The following GFPT1 variants were observed in gnomAD, a reference collection of about 807,000 sequenced individuals.
GFPT1 encodes the protein glutamine--fructose-6-phosphate aminotransferase [isomerizing] 1.
Under a neutral mutation model 92.0 loss-of-function variants are expected in GFPT1, and 40 were observed. The ratio of observed to expected loss-of-function variants is 0.43; its 90% CI spans 0.34 to 0.57. The LOEUF is 0.57. Ranked by LOEUF, GFPT1 falls within the 20% of genes least tolerant of loss-of-function variation. The probability of loss-of-function intolerance (pLI) is 0.02; values close to 1 mark genes in which losing one functional copy is unlikely to be tolerated. For missense variants in GFPT1, 448 were observed against 869.1 expected (o/e 0.52, Z 6.09); for synonymous variants, 269 against 280.6 (o/e 0.96, Z 0.41).
chr2:69,350,150 C>A lies in GFPT1; in HGVS notation c.773G>T (p.Arg258Leu). 1 of 1,613,716 alleles carries A rather than the reference C, an allele frequency of 6.2e-7. No homozygotes were observed. Among genetic ancestry groups the A allele is most frequent in the South Asian group, 1.1e-5 (1 of 91,054 alleles). The change falls in exon 10 of 20, where the codon CGT becomes CTT. Residue 258 changes from arginine to leucine, a missense_variant. Transcript: ENST00000357308. Reference sequence around the variant, plus strand: ...GAAAAGGCAGGTTGTGCTGTCCACACGAGAGAGATTGCAGCTTCCTTTCTT... The same window carrying A: ...GAAAAGGCAGGTTGTGCTGTCCACAAGAGAGAGATTGCAGCTTCCTTTCTT... Reference protein sequence around the residue: ...KDKKGSCNLSRVDSTTCLFPV... With the variant: ...KDKKGSCNLSLVDSTTCLFPV...
intron 3 of GFPT1, among the ~76,000 whole-genome samples, chr2:69,364,673 G>A (rs1055003381): frequency 6.6e-6 from 1 of 152,198 alleles, no homozygotes; most frequent in Non-Finnish European, 1.5e-5. Context: ...CTGGGAAATC[G>A]GCATAGGCCA....
At chr2:69,342,893 A>G in intron 12 of GFPT1, among the ~76,000 whole-genome samples, 1 of 152,054 alleles carries the variant, frequency 6.6e-6, no homozygotes, top group South Asian at 2.1e-4. Context: ...TGCCGTCCCC[A>G]TTCCCCTAAT....
intron 9 of GFPT1, among the ~76,000 whole-genome samples, chr2:69,353,640 G>A (rs1037749304): frequency 6.6e-6 from 1 of 151,544 alleles, no homozygotes; most frequent in African/African-American, 2.4e-5. Context: ...ATTGCAGTGA[G>A]GTATGACCAT....
At chr2:69,340,748 ATGTT>A (rs1434558118) in intron 13 of GFPT1, among the ~76,000 whole-genome samples, 1 of 152,168 alleles carries the variant, frequency 6.6e-6, no homozygotes, top group Non-Finnish European at 1.5e-5. Flanking sequence ...GGGATTTCTA[ATGTT>A]TGTTTACTAC....
intron 6 of GFPT1, among the ~76,000 whole-genome samples, chr2:69,357,390 G>A (rs558318078): frequency 6.6e-6 from 1 of 152,282 alleles, no homozygotes; most frequent in African/African-American, 2.4e-5. Flanking sequence ...AGAGCTTACA[G>A]GAATCAAGAA....
chr2:69,349,402 A>G (rs972573905), intron 10 of GFPT1, among the ~76,000 whole-genome samples: 3 of 152,216 alleles, frequency 2.0e-5, no homozygotes, highest in African/African-American at 4.8e-5. Context: ...CTGTAAAAAC[A>G]TTAAAGAGTA....
At chr2:69,369,813 G>A (rs563423991) in intron 3 of GFPT1, among the ~76,000 whole-genome samples, 188 bp downstream of exon 3, 6 of 152,220 alleles carry the variant, frequency 3.9e-5, no homozygotes, top group African/African-American at 1.4e-4. Context: ...TATTTTTCAG[G>A]CTCAGGTACA....
chr2:69,387,143 G>C lies in GFPT1; in HGVS notation c.-72C>G, dbSNP rs1390703414. 1 of 1,478,678 alleles carries C rather than the reference G, an allele frequency of 6.8e-7. No individual in the cohort carries two copies. Among genetic ancestry groups the C allele is most frequent in the East Asian group, 2.9e-5 (1 of 35,016 alleles). The allele number at this position is 1,478,678 out of a possible 1,614,324, so 91.6% of individuals were successfully genotyped here. On this transcript the variant is annotated 5_prime_UTR_variant, in exon 1 of 20. Coordinates refer to ENST00000357308, the MANE Select transcript of GFPT1 (RefSeq NM_001244710.2). ...GATCGGGGGTGCACACACGAGCTTC[G>C]GTGGGCAATCTGCGGGCTCGGGGGC...
intron 13 of GFPT1, 37 bp from the exon 14 acceptor site, chr2:69,338,602 T>C: frequency 1.9e-6 from 3 of 1,610,786 alleles, no homozygotes; most frequent in Non-Finnish European, 2.5e-6. Context: ...AGAACTTTCC[T>C]TCAAATACTC....
At chr2:69,360,090 G>A (rs1468300970) in intron 4 of GFPT1, among the ~76,000 whole-genome samples, 2 of 152,110 alleles carry the variant, frequency 1.3e-5, no homozygotes, top group Non-Finnish European at 2.9e-5. Flanking sequence ...CACTTTAAGA[G>A]GTCGAGATGG....
chr2:69,339,803 C>T (rs1670892694), intron 13 of GFPT1, among the ~76,000 whole-genome samples: 1 of 152,082 alleles, frequency 6.6e-6, no homozygotes. Flanking sequence ...CATTTTTTAA[C>T]AATATTACAA....
intron 3 of GFPT1, among the ~76,000 whole-genome samples, chr2:69,365,507 A>G (rs1415263279): frequency 2.6e-5 from 4 of 152,144 alleles, no homozygotes; most frequent in Admixed American, 2.0e-4. Context: ...TAAAACCACA[A>G]TGGTATATTC....
At position 69,321,330 on chromosome 2, in the gene GFPT1, A is replaced by C. The variant is rs1296876833; in HGVS notation, c.*4859T>G. On this transcript the variant is annotated 3_prime_UTR_variant, in exon 20 of 20. Transcript: ENST00000357308. ...CAAACTGGGAAGTTCGGGTAGAGAC[A>C]GTGGCTTTTGGTAATATTTAGGCAG... 1.3e-5 allele frequency: 2 copies of C among 152,350 alleles called. No homozygotes were observed. Among genetic ancestry groups the C allele is most frequent in the Admixed American group, 6.5e-5 (1 of 15,304 alleles). 9.4% of individuals were successfully genotyped at this position (152,350 alleles called of 1,614,324 possible).
chr2:69,341,447 A>G (rs1422301143), intron 13 of GFPT1, among the ~76,000 whole-genome samples: 1 of 152,174 alleles, frequency 6.6e-6, no homozygotes, highest in Non-Finnish European at 1.5e-5. Flanking sequence ...ATAAATATTT[A>G]TGCCTCAGCA....
chr2:69,326,848 G>C, intron 19 of GFPT1, 66 bp downstream of exon 19: 1 of 1,481,184 alleles, frequency 6.8e-7, no homozygotes, highest in Non-Finnish European at 9.4e-7. Flanking sequence ...AAATTTAGGA[G>C]AAAAAAATCA....
intron 15 of GFPT1, among the ~76,000 whole-genome samples, chr2:69,336,050 TG>T (rs34325453): frequency 0.68 from 98,384 of 144,790 alleles, 34,542 homozygotes; most frequent in African/African-American, 0.9. Flanking sequence ...AAAAAAAAGG[TG>T]GGGGGCCAGG....
intron 1 of GFPT1, among the ~76,000 whole-genome samples, chr2:69,376,907 CT>C (rs903980117): frequency 2.0e-5 from 3 of 152,004 alleles, no homozygotes; most frequent in East Asian, 3.9e-4. Flanking sequence ...ATAGACTCTA[CT>C]TTTTTTTAAA....
rs186228780 is a variant in GFPT1 at position 69,377,313 on chromosome 2, A to G, written c.8-3200T>C. ...AACTTTAATAATACTTCTAACTCCAATCTCCTTGGTTTATAATGGCTCACT... is the reference window on the plus strand; with the variant it reads ...AACTTTAATAATACTTCTAACTCCAGTCTCCTTGGTTTATAATGGCTCACT... On this transcript the variant is annotated intron_variant, in intron 1 of 19. Transcript: ENST00000357308. 4.8e-3 allele frequency among the ~76,000 whole-genome samples: 725 copies of G among 151,844 alleles called. 11 individuals carry two copies. The highest frequency in any genetic ancestry group is 0.012 in the Admixed American group (180 of 15,228).
chr2:69,330,028 G>A (rs1319800590), intron 15 of GFPT1, among the ~76,000 whole-genome samples: 8 of 151,956 alleles, frequency 5.3e-5, no homozygotes, highest in African/African-American at 1.9e-4. Flanking sequence ...GACCAGCCTG[G>A]GCAACATAGC....
Sources: allele counts gnomAD v4.1 joint callset (sites outside exome capture counted in the v4.1 genomes callset), GRCh38; gene constraint gnomAD v4.1.1; transcripts MANE v1.5; gene names NCBI Gene and HGNC (gene_info 2026-07-23, HGNC 2026-07-21).